The following LRRIQ1 variants were observed in gnomAD, a reference collection of about 807,000 sequenced individuals.
LRRIQ1 encodes the protein leucine rich repeats and IQ motif containing 1.
Under a neutral mutation model 211.9 loss-of-function variants are expected in LRRIQ1, and 210 were observed. The ratio of observed to expected loss-of-function variants is 0.99; its 90% CI spans 0.89 to 1.11. The LOEUF (loss-of-function observed/expected upper bound fraction) is 1.11, where lower values mean the gene tolerates loss of function less well. Among genes scored for constraint, LRRIQ1 ranks in the 50% most tolerant of loss-of-function variants. LRRIQ1 has a pLI of 0.00. For synonymous variants in LRRIQ1, 699 were observed against 650.1 expected, an observed-to-expected ratio of 1.08 and a Z score of -1.14; for missense variants, 2,136 against 1,939.5, an observed-to-expected ratio of 1.10 and a Z score of -1.90.
chr12:85,247,697 T>A (rs1187866495), downstream of LRRIQ1, among the ~76,000 whole-genome samples: 6 of 151,620 alleles, frequency 4.0e-5, no homozygotes, highest in Non-Finnish European at 7.4e-5. Flanking sequence ...GAATAGTACC[T>A]GTTGTCTTCA....
intron 24 of LRRIQ1, among the ~76,000 whole-genome samples, chr12:85,164,700 A>G (rs150444648): frequency 6.6e-6 from 1 of 152,194 alleles, no homozygotes; most frequent in Admixed American, 6.5e-5. Flanking sequence ...ATAAAACAGT[A>G]GTATTGAGAG....
At chr12:85,040,102 T>C (rs1373037194) in intron 2 of LRRIQ1, among the ~76,000 whole-genome samples, 1 of 151,526 alleles carries the variant, frequency 6.6e-6, no homozygotes, top group Non-Finnish European at 1.5e-5. Context: ...CAGGTATTAG[T>C]TTGATATTAA....
At chr12:85,226,943 AT>A (rs1164308053) in intron 24 of LRRIQ1, among the ~76,000 whole-genome samples, 1 of 151,924 alleles carries the variant, frequency 6.6e-6, no homozygotes, top group African/African-American at 2.4e-5. Context: ...GGACATTTGG[AT>A]TGGTTCTAAG....
intron 26 of LRRIQ1, among the ~76,000 whole-genome samples, chr12:85,234,048 T>A (rs1342369860): frequency 6.6e-6 from 1 of 151,366 alleles, no homozygotes; most frequent in African/African-American, 2.4e-5. Flanking sequence ...CTGGGTAACA[T>A]GGCAAAACCC....
chr12:85,226,502 CTTTTGTATAATTATTTT>C (rs1269804793), intron 24 of LRRIQ1, among the ~76,000 whole-genome samples: 1 of 147,294 alleles, frequency 6.8e-6, no homozygotes, highest in Non-Finnish European at 1.5e-5. Flanking sequence ...TGTCTTATAA[CTTTTGTATAATTATTTT>C]TTTTCTACTT....
At chr12:85,130,747 A>G (rs1888691757) in intron 18 of LRRIQ1, among the ~76,000 whole-genome samples, 1 of 152,186 alleles carries the variant, frequency 6.6e-6, no homozygotes, top group Non-Finnish European at 1.5e-5. Context: ...GTGATATAGC[A>G]GAAACAACCG....
At position 85,083,391 on chromosome 12, in the gene LRRIQ1, C is replaced by A. The variant is rs1294486095; in HGVS notation, c.2887+10293C>A. 2.6e-5 allele frequency among the ~76,000 whole-genome samples: 4 copies of A among 151,514 alleles called. No homozygotes were observed. In the South Asian group the frequency reaches 8.3e-4, roughly 32 times the overall value. On this transcript the variant is annotated intron_variant, in intron 11 of 26. Coordinates refer to ENST00000393217, the MANE Select transcript of LRRIQ1 (RefSeq NM_001079910.2). ...ATTTGCAGAGGTGAGGATGATCAGG[C>A]TATCTGAACAGAAATTTCTGAAAAT...
At chr12:85,191,953 T>C (rs1238536735) in intron 24 of LRRIQ1, among the ~76,000 whole-genome samples, 1 of 151,958 alleles carries the variant, frequency 6.6e-6, no homozygotes, top group Non-Finnish European at 1.5e-5. Flanking sequence ...TTGACCATAT[T>C]TTAATGGGGT....
intron 10 of LRRIQ1, among the ~76,000 whole-genome samples, chr12:85,068,137 C>T (rs956746993): frequency 2.0e-5 from 3 of 151,844 alleles, no homozygotes; most frequent in South Asian, 2.1e-4. Flanking sequence ...AATGAACAAT[C>T]GAGTATCGCC....
intron 1 of LRRIQ1, among the ~76,000 whole-genome samples, chr12:85,261,752 AT>A (rs1235735016): frequency 1.4e-5 from 2 of 144,626 alleles, no homozygotes; most frequent in Admixed American, 1.4e-4. Flanking sequence ...CATAATTTTT[AT>A]TTTTTTGTTT....
At chr12:85,152,165 TA>T in intron 19 of LRRIQ1, 114 bp from the exon 20 acceptor site, 1 of 766,400 alleles carries the variant, frequency 1.3e-6, no homozygotes, top group Non-Finnish European at 1.9e-6. Flanking sequence ...AAATTTCCTG[TA>T]AATAAAAATT....
At chr12:85,242,517 A>G (rs549263883) in intron 26 of LRRIQ1, among the ~76,000 whole-genome samples, 46 of 152,026 alleles carry the variant, frequency 3.0e-4, no homozygotes, top group Non-Finnish European at 6.2e-4. Context: ...GGATTTTGTT[A>G]TCTGTGGAAG....
chr12:85,037,756 C>CT (rs1461313596), intron 1 of LRRIQ1, among the ~76,000 whole-genome samples: 3 of 151,876 alleles, frequency 2.0e-5, no homozygotes, highest in Non-Finnish European at 4.4e-5. Flanking sequence ...GTTTTCAAAC[C>CT]TTTTTTGGGA....
intron 24 of LRRIQ1, among the ~76,000 whole-genome samples, chr12:85,213,774 A>T (rs1893949225): frequency 6.6e-6 from 1 of 152,036 alleles, no homozygotes; most frequent in African/African-American, 2.4e-5. Flanking sequence ...TAACAATAAC[A>T]AAAACACCAC....
At position 85,198,207 on chromosome 12, in the gene LRRIQ1, A is replaced by G. The variant is rs368965191; in HGVS notation, c.4823-31310A>G. On this transcript the variant is annotated intron_variant, in intron 24 of 26. Coordinates refer to ENST00000393217, the MANE Select transcript of LRRIQ1 (RefSeq NM_001079910.2). ...TATATATTTTTTCTTTATCTGGAAT[A>G]CTGTTGATGGGCATTTAGGTTGGTT... Among the ~76,000 whole-genome samples, 79 of 139,718 alleles carry G rather than the reference A, an allele frequency of 5.7e-4. 2 individuals carry two copies. In the South Asian group the frequency reaches 0.016, roughly 29 times the overall value. 91.7% of individuals were successfully genotyped at this position (139,718 alleles called of 152,430 possible). A position where few individuals can be genotyped will look rare whatever the true frequency, so the allele number is the denominator to read the frequency against.
exon 2 of LRRIQ1, chr12:85,263,479 G>C (rs948383802): frequency 6.6e-6 from 1 of 151,798 alleles, no homozygotes; most frequent in Admixed American, 6.6e-5. Flanking sequence ...TTAGATTATC[G>C]TACTTGAGTA....
intron 15 of LRRIQ1, among the ~76,000 whole-genome samples, chr12:85,109,664 A>C (rs1385142540): frequency 6.6e-6 from 1 of 152,090 alleles, no homozygotes; most frequent in Non-Finnish European, 1.5e-5. Context: ...AGTATTTTTG[A>C]CACCATCCAA....
intron 8 of LRRIQ1, among the ~76,000 whole-genome samples, chr12:85,063,681 T>A (rs1882110060): frequency 6.6e-6 from 1 of 151,572 alleles, no homozygotes; most frequent in African/African-American, 2.4e-5. Flanking sequence ...TCCACTTCCC[T>A]CAACCCCACC....
At chr12:85,150,353 GA>G (rs1325742258) in intron 19 of LRRIQ1, among the ~76,000 whole-genome samples, 1 of 151,256 alleles carries the variant, frequency 6.6e-6, no homozygotes, top group Non-Finnish European at 1.5e-5. Flanking sequence ...TCATTGAAAA[GA>G]AAAAACAAAA....
Sources: allele counts gnomAD v4.1 joint callset (sites outside exome capture counted in the v4.1 genomes callset), GRCh38; gene constraint gnomAD v4.1.1; transcripts MANE v1.5; gene names NCBI Gene and HGNC (gene_info 2026-07-23, HGNC 2026-07-21).